TCF4: variants seen among roughly 807,000 people sequenced by gnomAD.
TCF4 encodes the protein transcription factor 4.
Under a neutral mutation model 82.1 loss-of-function variants are expected in TCF4, and 3 were observed. The observed-to-expected ratio is 0.04, with a 90% CI of 0.02 to 0.09. TCF4 has a LOEUF of 0.09. Ranked by LOEUF, TCF4 falls within the 10% of genes least tolerant of loss-of-function variation. TCF4 has a pLI of 1.00. For synonymous variants in TCF4, 276 were observed against 309.6 expected, an observed-to-expected ratio of 0.89 and a Z score of 1.14; for missense variants, 518 against 852.7, an observed-to-expected ratio of 0.61 and a Z score of 4.89.
chr18:55,339,959 T>C (rs1351848941), intron 8 of TCF4, among the ~76,000 whole-genome samples: 1 of 152,192 alleles, frequency 6.6e-6, no homozygotes, highest in Non-Finnish European at 1.5e-5. Flanking sequence ...AACTGAACTC[T>C]GTTTACTTTA....
intron 5 of TCF4, among the ~76,000 whole-genome samples, chr18:55,415,657 C>CT (rs2094500953): frequency 6.6e-6 from 1 of 152,138 alleles, no homozygotes; most frequent in African/African-American, 2.4e-5. Flanking sequence ...TAAATACTGA[C>CT]TTTAACAGAT....
intron 5 of TCF4, among the ~76,000 whole-genome samples, chr18:55,431,868 G>GGT (rs1306337780): frequency 3.3e-5 from 5 of 152,178 alleles, no homozygotes; most frequent in African/African-American, 9.6e-5. Flanking sequence ...ATGTCGGGGG[G>GGT]GTCTTCCAAA....
intron 6 of TCF4, among the ~76,000 whole-genome samples, chr18:55,379,420 A>T (rs1385265853): frequency 6.6e-6 from 1 of 152,160 alleles, no homozygotes; most frequent in African/African-American, 2.4e-5. Flanking sequence ...TCAGGCAAGA[A>T]TTACATCTCA....
At chr18:55,573,438 A>G (rs2097496090) in intron 3 of TCF4, among the ~76,000 whole-genome samples, 1 of 152,146 alleles carries the variant, frequency 6.6e-6, no homozygotes, top group Admixed American at 6.5e-5. Flanking sequence ...CTCTCACCTA[A>G]ACTTCTGCAA....
chr18:55,474,775 TTTTG>T (rs773821209), intron 3 of TCF4, among the ~76,000 whole-genome samples: 54 of 146,396 alleles, frequency 3.7e-4, no homozygotes, highest in Admixed American at 6.2e-4. Flanking sequence ...TTTTTGTTTG[TTTTG>T]TTTGTTTGTT....
intron 8 of TCF4, among the ~76,000 whole-genome samples, chr18:55,324,883 A>C (rs2147602192): frequency 6.6e-6 from 1 of 152,240 alleles, no homozygotes; most frequent in Non-Finnish European, 1.5e-5. Context: ...AGAAGTGTTG[A>C]CCACTTAAAT....
intron 3 of TCF4, chr18:55,546,860 C>T (rs1397177897): frequency 1.3e-5 from 2 of 152,244 alleles, no homozygotes; most frequent in Admixed American, 6.5e-5. Flanking sequence ...ACATTTCTTA[C>T]TTTCAGTCTT....
At chr18:55,533,413 C>A (rs1427924364) in intron 3 of TCF4, among the ~76,000 whole-genome samples, 4 of 152,114 alleles carry the variant, frequency 2.6e-5, no homozygotes, top group Non-Finnish European at 5.9e-5. Flanking sequence ...CAGAGGAAGT[C>A]AGTCAGGGCA....
At chr18:55,302,278 T>C in intron 8 of TCF4, 1 of 750,692 alleles carries the variant, frequency 1.3e-6, no homozygotes, top group Non-Finnish European at 2.2e-6. Context: ...AAAATGAAAG[T>C]TCTGGTGAAT....
At chr18:55,562,632 A>G (rs2097365028) in intron 3 of TCF4, among the ~76,000 whole-genome samples, 2 of 152,276 alleles carry the variant, frequency 1.3e-5, no homozygotes, top group East Asian at 3.9e-4. Context: ...GGCACACCCT[A>G]CCAGTCCAAT....
At chr18:55,496,894 T>C (rs924721283) in intron 3 of TCF4, among the ~76,000 whole-genome samples, 1 of 46,180 alleles carries the variant, frequency 2.2e-5, no homozygotes, top group Non-Finnish European at 5.2e-5. Context: ...GCTGTAAAAT[T>C]ACAAAAAAAA....
chr18:55,265,429 A>G, intron 11 of TCF4: 1 of 152,162 alleles, frequency 6.6e-6, no homozygotes, highest in Middle Eastern at 3.2e-3. Context: ...AAGTATATAG[A>G]CTACAATGCA....
intron 3 of TCF4, among the ~76,000 whole-genome samples, chr18:55,541,464 T>C (rs966412458): frequency 5.3e-5 from 8 of 152,014 alleles, no homozygotes; most frequent in Non-Finnish European, 1.5e-5. Context: ...TCAAATTCTC[T>C]TTTCTTAATA....
At chr18:55,583,224 A>G (rs34252602) in intron 3 of TCF4, among the ~76,000 whole-genome samples, 19 of 152,192 alleles carry the variant, frequency 1.2e-4, no homozygotes, top group Non-Finnish European at 2.6e-4. Flanking sequence ...GGTACAACGT[A>G]ACTTAAAGTT....
chr18:55,326,231 T>C (rs1425644181), intron 8 of TCF4, among the ~76,000 whole-genome samples: 1 of 152,022 alleles, frequency 6.6e-6, no homozygotes, highest in African/African-American at 2.4e-5. Flanking sequence ...CCAAGCTGTA[T>C]CACAGGTTTG....
chr18:55,362,132 C>T (rs1318512439), intron 6 of TCF4, among the ~76,000 whole-genome samples: 1 of 151,950 alleles, frequency 6.6e-6, no homozygotes, highest in African/African-American at 2.4e-5. Context: ...CTGCTAGTTT[C>T]AGAACTTCAG....
chr18:55,478,366 T>C (rs1250039608), intron 3 of TCF4, among the ~76,000 whole-genome samples: 3 of 152,230 alleles, frequency 2.0e-5, no homozygotes, highest in African/African-American at 7.2e-5. Context: ...TTAGAATACA[T>C]GGATCATTGC....
intron 5 of TCF4, among the ~76,000 whole-genome samples, chr18:55,406,126 C>CTTTTTTTTTTTTTT (rs34522468): frequency 8.6e-6 from 1 of 116,100 alleles, no homozygotes. Context: ...GGGAGGTGGA[C>CTTTTTTTTTTTTTT]TTTTTTTTTT....
At chr18:55,473,123 ATAATT>A (rs1192367360) in intron 3 of TCF4, among the ~76,000 whole-genome samples, 1 of 152,198 alleles carries the variant, frequency 6.6e-6, no homozygotes, top group Non-Finnish European at 1.5e-5. Context: ...TATTTGGTAA[ATAATT>A]TATTGAATTT....
Sources: gnomAD v4.1 joint callset for allele counts (sites outside exome capture counted in the v4.1 genomes callset) on GRCh38, gnomAD v4.1.1 for gene constraint, MANE v1.5 for transcripts, NCBI Gene and HGNC (gene_info 2026-07-23, HGNC 2026-07-21) for gene names.